PLSCR5: variants seen among roughly 807,000 people sequenced by gnomAD.
PLSCR5 encodes the protein phospholipid scramblase family, member 5.
PLSCR5 carries 44 observed loss-of-function variants against 33.6 expected under a neutral mutation model. The observed-to-expected ratio is 1.31, with a 90% CI of 1.03 to 1.69. The LOEUF (loss-of-function observed/expected upper bound fraction) is 1.69, where lower values mean the gene tolerates loss of function less well. Among genes scored for constraint, PLSCR5 ranks in the 40% most tolerant of loss-of-function variants. The pLI is 0.00. For synonymous variants in PLSCR5, 148 were observed against 112.3 expected, an observed-to-expected ratio of 1.32 and a Z score of -2.01; for missense variants, 375 against 318.7, an observed-to-expected ratio of 1.18 and a Z score of -1.34.
chr3:146,579,094 T>C (rs995856834), intron 7 of PLSCR5, among the ~76,000 whole-genome samples: 2 of 152,064 alleles, frequency 1.3e-5, no homozygotes, highest in African/African-American at 2.4e-5. Flanking sequence ...ACAATACATG[T>C]CACTAAGTAC....
At chr3:146,585,387 T>A (rs1183912550), downstream of PLSCR5, among the ~76,000 whole-genome samples, 2 of 152,114 alleles carry the variant, frequency 1.3e-5, no homozygotes, top group Non-Finnish European at 2.9e-5. Context: ...TGAGTAGGTA[T>A]TTAAAGCATG....
chr3:146,581,113 A>G (rs981139997), downstream of PLSCR5, among the ~76,000 whole-genome samples: 1 of 152,230 alleles, frequency 6.6e-6, no homozygotes, highest in African/African-American at 2.4e-5. Flanking sequence ...TAGTCCAGTG[A>G]ATAGATTCCT....
chr3:146,591,455 T>C (rs1053543760), intron 5 of PLSCR5, among the ~76,000 whole-genome samples: 2 of 152,018 alleles, frequency 1.3e-5, no homozygotes, highest in Non-Finnish European at 2.9e-5. Flanking sequence ...CTTTGGATAA[T>C]ACTTACACTG....
intron 7 of PLSCR5, chr3:146,576,778 A>G (rs2044600214): frequency 6.7e-6 from 1 of 148,902 alleles, no homozygotes; most frequent in Admixed American, 6.7e-5. Context: ...AATAGGCTAG[A>G]GATCTATAAT....
intron 6 of PLSCR5, among the ~76,000 whole-genome samples, chr3:146,586,355 G>A (rs1413851358): frequency 1.3e-5 from 2 of 152,106 alleles, no homozygotes; most frequent in Non-Finnish European, 2.9e-5. Flanking sequence ...TATTGTCAAA[G>A]TGTTCCAGTA....
intron 2 of PLSCR5, among the ~76,000 whole-genome samples, chr3:146,595,741 T>G (rs905286205): frequency 6.6e-6 from 1 of 152,200 alleles, no homozygotes; most frequent in African/African-American, 2.4e-5. Flanking sequence ...TGAATTATAA[T>G]GTTTAAGATG....
intron 7 of PLSCR5, among the ~76,000 whole-genome samples, chr3:146,578,446 G>A (rs1183886929): frequency 1.3e-5 from 2 of 151,598 alleles, no homozygotes; most frequent in Non-Finnish European, 2.9e-5. Context: ...AGGAATAAAA[G>A]CATCTCTCCC....
chr3:146,584,609 T>C (rs1199088915), downstream of PLSCR5, among the ~76,000 whole-genome samples: 1 of 152,172 alleles, frequency 6.6e-6, no homozygotes, highest in Non-Finnish European at 1.5e-5. Context: ...GTATATTCTT[T>C]GCATGCCAAA....
chr3:146,577,741 T>G (rs1343958537), intron 7 of PLSCR5, among the ~76,000 whole-genome samples: 1 of 152,072 alleles, frequency 6.6e-6, no homozygotes, highest in Non-Finnish European at 1.5e-5. Flanking sequence ...AATTTTACCC[T>G]TCTACACACA....
chr3:146,599,718 C>T (rs2107858568), intron 2 of PLSCR5, among the ~76,000 whole-genome samples: 1 of 151,104 alleles, frequency 6.6e-6, no homozygotes, highest in East Asian at 1.9e-4. Flanking sequence ...CACTCTGTCA[C>T]CCAGTCTGGA....
In PLSCR5 at chr3:146,578,867, T is replaced by C. The variant is rs927231114; in HGVS notation, c.*45-2142A>G. On this transcript the variant is annotated intron_variant, in intron 7 of 7. Transcript: ENST00000482567. Reference sequence around the variant, plus strand: ...TAATTAAATCAAAAATGCCTTGAAATGCATTTTCAATAATGCTGATAATAA... The same window carrying C: ...TAATTAAATCAAAAATGCCTTGAAACGCATTTTCAATAATGCTGATAATAA... 2.0e-5 allele frequency among the ~76,000 whole-genome samples: 3 copies of C among 152,084 alleles called. No homozygotes were observed. The East Asian group carries it at 5.8e-4, about 29-fold the overall frequency.
At chr3:146,602,470 T>C (rs2044826258) in intron 1 of PLSCR5, among the ~76,000 whole-genome samples, 1 of 152,010 alleles carries the variant, frequency 6.6e-6, no homozygotes, top group African/African-American at 2.4e-5. Flanking sequence ...AAAGGGAGGA[T>C]GCATGGCTAT....
At chr3:146,600,518 T>C (rs2044804094) in intron 1 of PLSCR5, 55 bp from the exon 2 acceptor site, 2 of 1,438,866 alleles carry the variant, frequency 1.4e-6, no homozygotes, top group South Asian at 3.0e-5. Flanking sequence ...TTTTATTTAG[T>C]CCTTCTTAAA....
chr3:146,589,204 C>T (rs775044234), intron 6 of PLSCR5, among the ~76,000 whole-genome samples: 3 of 152,094 alleles, frequency 2.0e-5, no homozygotes, highest in Non-Finnish European at 4.4e-5. Flanking sequence ...CTCATCAAAT[C>T]ATTTCATGTG....
chr3:146,600,408 T>A lies in PLSCR5; in HGVS notation c.69A>T (p.Pro23=), dbSNP rs752049660. The A allele has an allele frequency of 6.2e-7, 1 of 1,607,130 alleles. No homozygotes were observed. The highest frequency in any genetic ancestry group is 8.5e-7 in the Non-Finnish European group (1 of 1,175,936). ...LPGFLPGAPD[P]DQSLPASSNP... The stretch of plus-strand genomic sequence containing the variant: ...TGGAAGAGGCAGGAAGGCTTTGGTC[T>A]GGGTCTGGAGCTCCAGGAAGAAAAC... Residue 23 remains proline, a synonymous_variant, in exon 2 of 8, where the codon CCA becomes CCT. Coordinates refer to ENST00000443512, the MANE Select transcript of PLSCR5 (RefSeq NM_001085420.2).
chr3:146,591,620 T>C, intron 5 of PLSCR5, 100 bp downstream of exon 5: 1 of 1,284,652 alleles, frequency 7.8e-7, no homozygotes, highest in Non-Finnish European at 1.1e-6. Flanking sequence ...TTTTCTGAAC[T>C]TATTTTAAAT....
intron 6 of PLSCR5, among the ~76,000 whole-genome samples, chr3:146,588,555 A>T (rs1228866071): frequency 6.7e-6 from 1 of 148,758 alleles, no homozygotes; most frequent in Admixed American, 6.7e-5. Context: ...GCACATGTTC[A>T]TGCACACACA....
At chr3:146,585,548 A>G (rs548633323), downstream of PLSCR5, among the ~76,000 whole-genome samples, 1 of 152,134 alleles carries the variant, frequency 6.6e-6, no homozygotes, top group Non-Finnish European at 1.5e-5. Flanking sequence ...ATATCTCACT[A>G]CAATAAGAAA....
At chr3:146,595,129 C>T (rs1042889267) in intron 2 of PLSCR5, 46 bp from the exon 3 acceptor site, 14 of 1,209,304 alleles carry the variant, frequency 1.2e-5, no homozygotes, top group East Asian at 2.9e-5. Flanking sequence ...TAACATCACA[C>T]GGAAAACCTT....
Sources: gnomAD v4.1 joint callset for allele counts (sites outside exome capture counted in the v4.1 genomes callset) on GRCh38, gnomAD v4.1.1 for gene constraint, MANE v1.5 for transcripts, NCBI Gene and HGNC (gene_info 2026-07-23, HGNC 2026-07-21) for gene names.